GRM1: variants seen among roughly 807,000 people sequenced by gnomAD.
The protein encoded by GRM1 is metabotropic glutamate receptor 1.
GRM1 carries 33 observed loss-of-function variants against 90.9 expected under a neutral mutation model. The observed-to-expected ratio is 0.36, with a 90% CI of 0.28 to 0.49. The LOEUF is 0.49. Among genes scored for constraint, GRM1 ranks in the 20% least tolerant of loss-of-function variants. The pLI, the probability that GRM1 is intolerant of heterozygous loss-of-function variation, is 0.99. For synonymous variants in GRM1, 700 were observed against 613.2 expected (o/e 1.14, Z -2.09); for missense variants, 1,190 against 1,534.3 (o/e 0.78, Z 3.75).
intron 2 of GRM1, among the ~76,000 whole-genome samples, chr6:146,212,272 A>G (rs1412479084): frequency 2.0e-5 from 3 of 152,232 alleles, no homozygotes; most frequent in Non-Finnish European, 4.4e-5. Context: ...GAAGACCATC[A>G]CAACATGTCA....
chr6:146,399,641 C>A lies in GRM1; in HGVS notation c.2602C>A (p.Arg868Ser). 1 of 1,614,008 alleles carries A rather than the reference C, an allele frequency of 6.2e-7. No homozygotes were observed. Among genetic ancestry groups the A allele is most frequent in the Non-Finnish European group, 8.5e-7 (1 of 1,179,970 alleles). The change falls in exon 7 of 8, where the codon CGC (arginine) becomes AGC (serine). Residue 868 changes from arginine to serine, a missense_variant. Arg to Ser is a moderately radical substitution (Grantham distance 110). This residue lies in a region of GRM1 where 73 missense variants were observed against 150.6 expected (regional missense o/e 0.48). Coordinates refer to ENST00000282753, the MANE Select transcript of GRM1 (RefSeq NM_001278064.2). This position sits in a 1 kb window ranked among gnomAD's most constrained non-coding sequence, Gnocchi z 5.4. The part of the protein sequence containing the change: ...MHVGDGKLPC[R>S]SNTFLNIFRR... ...TGTTGGCGATGGCAAGCTGCCCTGC[C>A]GCTCCAACACTTTCCTCAACATCTT... is the stretch of plus-strand genomic sequence containing the variant.
chr6:146,299,820 A>T (rs1783309676), intron 2 of GRM1, among the ~76,000 whole-genome samples: 1 of 151,678 alleles, frequency 6.6e-6, no homozygotes, highest in South Asian at 2.1e-4. Context: ...CTTTTTCTCA[A>T]CTCTGCAAAT....
rs79862695 is a variant in GRM1, at chr6:146,185,321, G to A, written c.950+25724G>A. On this transcript the variant is annotated intron_variant, in intron 2 of 7. Transcript: ENST00000282753. ...AAAAAGAATAATAAAAGAACATGGG[G>A]CTAGTCTGGCCTAGAGCAATTGTGC... is the stretch of plus-strand genomic sequence containing the variant. 6.6e-5 allele frequency among the ~76,000 whole-genome samples: 10 copies of A among 152,318 alleles called. No individual in the cohort carries two copies. The East Asian group carries it at 1.7e-3, about 26-fold the overall frequency.
rs75580911 is a variant in GRM1 at position 146,045,976 on chromosome 6, G to A, written c.700+15759G>A. Among the ~76,000 whole-genome samples the A allele has an allele frequency of 2.4e-3, 359 of 151,964 alleles. 3 individuals carry two copies. Among genetic ancestry groups the A allele is most frequent in the African/African-American group, 8.3e-3 (346 of 41,482 alleles). ...TCCTTTTACACTTTAGCGCCCGTGG[G>A]CAGCAAGAGGTGTACTGAGTAGGAG... is the stretch of plus-strand genomic sequence containing the variant. On this transcript the variant is annotated intron_variant, in intron 1 of 7. Coordinates refer to ENST00000282753, the MANE Select transcript of GRM1 (RefSeq NM_001278064.2).
At chr6:146,121,155 G>C (rs541841190) in intron 1 of GRM1, among the ~76,000 whole-genome samples, 3 of 151,992 alleles carry the variant, frequency 2.0e-5, no homozygotes, top group Non-Finnish European at 4.4e-5. Context: ...TTCTTCCTGG[G>C]TTAGTCTTGG....
intron 5 of GRM1, among the ~76,000 whole-genome samples, chr6:146,358,911 T>TA (rs1190883911): frequency 2.6e-5 from 4 of 152,178 alleles, no homozygotes; most frequent in Non-Finnish European, 5.9e-5. Context: ...GAAGTTATAT[T>TA]AAAAATATTT....
chr6:146,086,681 T>A (rs1461790767), intron 1 of GRM1, among the ~76,000 whole-genome samples: 5 of 152,058 alleles, frequency 3.3e-5, no homozygotes, highest in African/African-American at 9.7e-5. Context: ...CTTCATGAAC[T>A]CCTTTTCCCA....
rs1438852345 is a variant in GRM1, at chr6:146,410,402, A to G, written c.2660+10703A>G. Among the ~76,000 whole-genome samples the G allele has an allele frequency of 2.6e-5, 4 of 152,238 alleles. 1 individual carries two copies. The highest frequency in any genetic ancestry group is 4.4e-5 in the Non-Finnish European group (3 of 68,044). On this transcript the variant is annotated intron_variant, in intron 7 of 7. Coordinates refer to ENST00000282753, the MANE Select transcript of GRM1 (RefSeq NM_001278064.2). ...TTGTCTTCTGAGTTAATAAAAATAC[A>G]TTATAAGTTACAGGACAACAATAAA...
At position 146,399,089 on chromosome 6, in the gene GRM1, C is replaced by T. The variant is rs763886921; in HGVS notation, c.2050C>T (p.Arg684Cys). The change falls in exon 7 of 8, where the codon CGC becomes TGC. Residue 684 changes from arginine (R) to cysteine (C), a missense_variant. Arg to Cys is a radical substitution (Grantham distance 180, BLOSUM62 -3). Around this residue, in one of 10 missense-constraint regions of GRM1, gnomAD observed 414 missense variants for 598.4 expected, o/e 0.69. Transcript: ENST00000282753. This position sits in a 1 kb window ranked among gnomAD's most constrained non-coding sequence, Gnocchi z 5.4. ...ALVTKTNRIA[R>C]ILAGSKKKIC... Reference sequence around the variant, plus strand: ...AGTGACTAAAACCAATCGTATTGCACGCATCCTGGCTGGCAGCAAGAAGAA... The same window carrying T: ...AGTGACTAAAACCAATCGTATTGCATGCATCCTGGCTGGCAGCAAGAAGAA... 1.2e-5 allele frequency: 19 copies of T among 1,614,066 alleles called. No homozygotes were observed. The highest frequency in any genetic ancestry group is 2.2e-5 in the East Asian group (1 of 44,870).
intron 3 of GRM1, among the ~76,000 whole-genome samples, chr6:146,339,115 G>A (rs1784880454): frequency 6.6e-6 from 1 of 152,202 alleles, no homozygotes; most frequent in South Asian, 2.1e-4. Flanking sequence ...TGCAATCACT[G>A]TGGTATTAAA....
At chr6:146,431,406 C>T (rs1308457450) in intron 7 of GRM1, among the ~76,000 whole-genome samples, 1 of 152,104 alleles carries the variant, frequency 6.6e-6, no homozygotes, top group African/African-American at 2.4e-5. Flanking sequence ...CACATAGAAC[C>T]TGTGGACAAT....
In GRM1 at chr6:146,361,694, G is replaced by A. The variant is rs75391554; in HGVS notation, c.1602+4000G>A. On this transcript the variant is annotated intron_variant, in intron 5 of 7. Transcript: ENST00000282753. The stretch of plus-strand genomic sequence containing the variant: ...CCCCATTTTATAGACGAGGGAATCT[G>A]AGACCCAGAGGGATTGAGTCACTTG... 7.2e-3 allele frequency among the ~76,000 whole-genome samples: 1,094 copies of A among 152,302 alleles called. 13 individuals are homozygous for A. The highest frequency in any genetic ancestry group is 9.9e-3 in the Non-Finnish European group (675 of 68,022).
chr6:146,104,081 G>T (rs923264230), intron 1 of GRM1, among the ~76,000 whole-genome samples: 1 of 152,162 alleles, frequency 6.6e-6, no homozygotes. Flanking sequence ...CTGGGATGAG[G>T]ATGAACAATG....
chr6:146,198,429 T>G (rs959947799), intron 2 of GRM1, among the ~76,000 whole-genome samples: 4 of 152,178 alleles, frequency 2.6e-5, no homozygotes, highest in Non-Finnish European at 5.9e-5. Flanking sequence ...ATTTTTAATT[T>G]ACTAAATTTC....
intron 1 of GRM1, among the ~76,000 whole-genome samples, chr6:146,108,492 G>A (rs528743537): frequency 1.6e-3 from 247 of 152,208 alleles, no homozygotes; most frequent in Non-Finnish European, 2.9e-3. Context: ...TTCACCTTCC[G>A]CCATGATTGT....
intron 5 of GRM1, among the ~76,000 whole-genome samples, chr6:146,373,062 G>A (rs1266934002): frequency 1.3e-5 from 2 of 152,136 alleles, no homozygotes; most frequent in South Asian, 4.1e-4. Flanking sequence ...GCTAGCATGG[G>A]CATTTTAACG....
intron 2 of GRM1, among the ~76,000 whole-genome samples, chr6:146,294,535 CTG>C (rs946474519): frequency 6.7e-6 from 1 of 150,196 alleles, no homozygotes; most frequent in Non-Finnish European, 1.5e-5. Context: ...ACATTCTCCT[CTG>C]TTAAGAAGGA....
chr6:146,073,668 T>A (rs1284587634), intron 1 of GRM1, among the ~76,000 whole-genome samples: 2 of 152,142 alleles, frequency 1.3e-5, no homozygotes, highest in South Asian at 4.2e-4. Context: ...AAACTGGTAA[T>A]GATGGGGGAA....
chr6:146,227,845 T>C (rs563318818), intron 2 of GRM1, among the ~76,000 whole-genome samples: 3 of 152,320 alleles, frequency 2.0e-5, no homozygotes, highest in Middle Eastern at 3.4e-3. Flanking sequence ...AAATGAGTTG[T>C]GCACCACTAT....
Sources: gnomAD v4.1 joint callset for allele counts (sites outside exome capture counted in the v4.1 genomes callset) on GRCh38, gnomAD v4.1.1 for gene constraint, gnomAD v4.1.1 regional missense constraint, Gnocchi (gnomAD v3.1) non-coding constraint, MANE v1.5 for transcripts, NCBI Gene and HGNC (gene_info 2026-07-23, HGNC 2026-07-21) for gene names.